KIAA0408: variants seen among roughly 807,000 people sequenced by gnomAD.
KIAA0408 encodes uncharacterized protein KIAA0408.
In KIAA0408, 51 loss-of-function variants were observed where a neutral mutation model predicts 60.9. The ratio of observed to expected loss-of-function variants is 0.84; its 90% CI spans 0.67 to 1.06. The LOEUF (loss-of-function observed/expected upper bound fraction) is 1.06. Ranked by LOEUF, KIAA0408 falls within the 50% of genes least tolerant of loss-of-function variation. The pLI is 0.00. For synonymous variants in KIAA0408, 304 were observed against 282.4 expected (o/e 1.08, Z -0.77); for missense variants, 787 against 833.9 (o/e 0.94, Z 0.69).
At chr6:127,454,865 A>T (rs1262782631) in intron 1 of KIAA0408, among the ~76,000 whole-genome samples, 1 of 152,118 alleles carries the variant, frequency 6.6e-6, no homozygotes, top group Non-Finnish European at 1.5e-5. Flanking sequence ...ATCCTCTATT[A>T]CATTAAGTAG....
chr6:127,459,029 GC>G (rs1336267756), intron 1 of KIAA0408, 145 bp downstream of exon 1: 1 of 152,208 alleles, frequency 6.6e-6, no homozygotes, highest in Non-Finnish European at 1.5e-5. Flanking sequence ...CTGTTTTTAA[GC>G]CCAGACACAG....
chr6:127,453,949 C>T lies in KIAA0408; in HGVS notation c.33G>A (p.Glu11=). The T allele has an allele frequency of 1.9e-6, 3 of 1,612,904 alleles. No individual in the cohort carries two copies. The highest frequency in any genetic ancestry group is 2.5e-6 in the Non-Finnish European group (3 of 1,179,186). Residue 11 remains glutamate, a synonymous_variant, in exon 2 of 6, where the codon GAG becomes GAA. Coordinates refer to ENST00000483725, the MANE Select transcript of KIAA0408 (RefSeq NM_014702.5). ...CCATCTTTTCCTTATGCCAGTTAGT[C>T]TCTGTGTTCTCCCACTGCTTATGTA... MDLHKQWENT[E]TNWHKEKMEL...
chr6:127,452,740 G>T (rs1340946858), intron 2 of KIAA0408, among the ~76,000 whole-genome samples: 1 of 152,102 alleles, frequency 6.6e-6, no homozygotes, highest in Non-Finnish European at 1.5e-5. Flanking sequence ...TTGCGCTGGA[G>T]TTTTGGATTC....
In KIAA0408 at chr6:127,438,748, T is replaced by A. The variant is rs1311776625; in HGVS notation, c.*5361A>T. 5 of 152,248 alleles carry A rather than the reference T, an allele frequency of 3.3e-5. No individual in the cohort carries two copies. The highest frequency in any genetic ancestry group is 1.2e-4 in the African/African-American group (5 of 41,466). 9.4% of individuals were successfully genotyped at this position (152,248 alleles called of 1,614,324 possible). A position where few individuals can be genotyped will look rare whatever the true frequency, so the allele number is the denominator to read the frequency against. ...AAAGTATAGCAAAAATATTGTATTATAATCTTATCATCATATATGTGCATT... is the reference window on the plus strand; with the variant it reads ...AAAGTATAGCAAAAATATTGTATTAAAATCTTATCATCATATATGTGCATT... On this transcript the variant is annotated 3_prime_UTR_variant, in exon 6 of 6. Coordinates refer to ENST00000483725, the MANE Select transcript of KIAA0408 (RefSeq NM_014702.5).
intron 2 of KIAA0408, chr6:127,451,103 T>A (rs1396290101): frequency 5.8e-6 from 2 of 342,672 alleles, no homozygotes; most frequent in Non-Finnish European, 1.1e-5. Context: ...CACTTCTGAA[T>A]AGAGGAAAGA....
Position 127,450,217 on chromosome 6 carries a change from C to T in KIAA0408, c.271G>A (p.Glu91Lys). The stretch of plus-strand genomic sequence containing the variant: ...TCTTTGTGATTCGTCCTTATAAATT[C>T]ACTTTGTCCTAAATCGGGGTAATTT... Reference protein sequence around the residue: ...SPNYPDLGQSEFIRTNHKDGL... With the variant: ...SPNYPDLGQSKFIRTNHKDGL... Residue 91 changes from glutamate to lysine, a missense_variant, in exon 3 of 6, where the codon GAA (glutamate) becomes AAA (lysine). Physicochemically the swap from Glu to Lys is moderately conservative, Grantham distance 56. Around this residue, in one of 3 missense-constraint regions of KIAA0408, gnomAD observed 640 missense variants for 681.3 expected, o/e 0.94. Coordinates refer to ENST00000483725, the MANE Select transcript of KIAA0408 (RefSeq NM_014702.5). The T allele has an allele frequency of 6.2e-7, 1 of 1,613,994 alleles. No homozygotes were observed. The highest frequency in any genetic ancestry group is 8.5e-7 in the Non-Finnish European group (1 of 1,179,950).
rs1184100781 is a variant in KIAA0408, at chr6:127,440,195, G to C, written c.*3914C>G. ...TGATGAATATGCATACAATAAAAAT[G>C]ACGAGAAATCATTTTTGGTACTTGT... is the stretch of plus-strand genomic sequence containing the variant. On this transcript the variant is annotated 3_prime_UTR_variant, in exon 6 of 6. Transcript: ENST00000483725. 1 of 152,048 alleles carries C rather than the reference G, an allele frequency of 6.6e-6. No homozygotes were observed. The highest frequency in any genetic ancestry group is 1.5e-5 in the Non-Finnish European group (1 of 67,998). The allele number at this position is 152,048 out of a possible 1,614,324, so 9.4% of individuals were successfully genotyped here.
chr6:127,446,268 A>C (rs1475023030), intron 5 of KIAA0408, 140 bp downstream of exon 5: 1 of 1,416,434 alleles, frequency 7.1e-7, no homozygotes, highest in Non-Finnish European at 9.4e-7. Flanking sequence ...AGTTATATTT[A>C]TTTACAAACA....
intron 5 of KIAA0408, 136 bp from the exon 6 acceptor site, chr6:127,444,418 A>C (rs1773153869): frequency 1.6e-6 from 1 of 643,970 alleles, no homozygotes; most frequent in African/African-American, 1.9e-5. Flanking sequence ...TAAAGAAGGT[A>C]GTTGTCTAAT....
intron 5 of KIAA0408, 84 bp downstream of exon 5, chr6:127,446,324 T>C (rs1217525495): frequency 1.3e-6 from 2 of 1,520,168 alleles, no homozygotes; most frequent in Non-Finnish European, 1.8e-6. Flanking sequence ...CCTCATTCTA[T>C]TTATATGAAT....
Position 127,451,151 on chromosome 6 carries a change from T to G in KIAA0408, c.136-799A>C, listed in dbSNP as rs539879280. 122 of 372,280 alleles carry G rather than the reference T, an allele frequency of 3.3e-4. 1 individual carries two copies. The highest frequency in any genetic ancestry group is 2.4e-3 in the African/African-American group (114 of 47,220). 23.1% of individuals were successfully genotyped at this position (372,280 alleles called of 1,614,324 possible). A position where few individuals can be genotyped will look rare whatever the true frequency, so the allele number is the denominator to read the frequency against. On this transcript the variant is annotated intron_variant, in intron 2 of 5. Coordinates refer to ENST00000483725, the MANE Select transcript of KIAA0408 (RefSeq NM_014702.5). ...TTTAGGCTTGGGTCATGTAAAAGCT[T>G]GTCAAACTTCAAAAGAGACTGTCAG...
rs1773139590 is a variant in KIAA0408 at position 127,443,598 on chromosome 6, A to G, written c.*511T>C. On this transcript the variant is annotated 3_prime_UTR_variant, in exon 6 of 6. Coordinates refer to ENST00000483725, the MANE Select transcript of KIAA0408 (RefSeq NM_014702.5). ...TAGCTGGGGGCCAAGGAAGTGGTCA[A>G]TTAATATTTGTACTGCAAATGCCTT... is the stretch of plus-strand genomic sequence containing the variant. The G allele has an allele frequency of 6.6e-6, 1 of 152,440 alleles. No individual in the cohort carries two copies. Among genetic ancestry groups the G allele is most frequent in the African/African-American group, 2.4e-5 (1 of 41,468 alleles). The allele number at this position is 152,440 out of a possible 1,614,324, so 9.4% of individuals were successfully genotyped here.
In KIAA0408 at chr6:127,438,497, C is replaced by A. The variant is rs1773055194; in HGVS notation, c.*5612G>T. ...CTTCAAAAATAAACTGGCAGCAGAGCACAATTGCAGTCACATTGCTTAACA... is the reference window on the plus strand; with the variant it reads ...CTTCAAAAATAAACTGGCAGCAGAGAACAATTGCAGTCACATTGCTTAACA... On this transcript the variant is annotated 3_prime_UTR_variant, in exon 6 of 6. Transcript: ENST00000483725. 1 of 152,128 alleles carries A rather than the reference C, an allele frequency of 6.6e-6. No homozygotes were observed. The highest frequency in any genetic ancestry group is 1.5e-5 in the Non-Finnish European group (1 of 68,014). The allele number at this position is 152,128 out of a possible 1,614,324, so 9.4% of individuals were successfully genotyped here.
Position 127,444,137 on chromosome 6 carries a change from G to T in KIAA0408, c.2057C>A (p.Ser686Tyr). Residue 686 changes from serine to tyrosine, a missense_variant, in exon 6 of 6, where the codon TCT becomes TAT. By Grantham distance (144) the Ser-to-Tyr change is moderately radical. Transcript: ENST00000483725. ...LRRTTHNYTI[S>Y]LRSEALMV ...AACCATCAATGCTTCGGATCGCAGA[G>T]AAATGGTATAGTTGTGGGTAGTTCT... The T allele has an allele frequency of 5.0e-6, 8 of 1,614,032 alleles. No homozygotes were observed. Among genetic ancestry groups the T allele is most frequent in the Admixed American group, 1.7e-5 (1 of 60,006 alleles).
Position 127,450,703 on chromosome 6 carries a change from C to T in KIAA0408, c.136-351G>A, listed in dbSNP as rs79960476. 5.1e-3 allele frequency: 925 copies of T among 179,950 alleles called. 8 individuals are homozygous for T. The highest frequency in any genetic ancestry group is 0.02 in the African/African-American group (850 of 41,960). The allele number at this position is 179,950 out of a possible 1,614,324, so 11.1% of individuals were successfully genotyped here. A position where few individuals can be genotyped will look rare whatever the true frequency, so the allele number is the denominator to read the frequency against. On this transcript the variant is annotated intron_variant, in intron 2 of 5. Transcript: ENST00000483725. ...ACTGGCCATATTATATAATTGCTTT[C>T]AGAGAGATGCAAGAATTTAACATTA...
intron 2 of KIAA0408, among the ~76,000 whole-genome samples, chr6:127,452,278 G>C (rs180963773): frequency 2.7e-4 from 41 of 152,186 alleles, no homozygotes; most frequent in African/African-American, 9.4e-4. Context: ...AATCTTTTAT[G>C]CTTGTGGCAT....
chr6:127,439,427 A>G lies in KIAA0408; in HGVS notation c.*4682T>C, dbSNP rs1773069416. ...ATAAAATCAGAGCATAGGCATTAAA[A>G]GTGGAAATATTTTGTTAAAGCCTTG... is the stretch of plus-strand genomic sequence containing the variant. On this transcript the variant is annotated 3_prime_UTR_variant, in exon 6 of 6. Coordinates refer to ENST00000483725, the MANE Select transcript of KIAA0408 (RefSeq NM_014702.5). 1 of 152,224 alleles carries G rather than the reference A, an allele frequency of 6.6e-6. No individual in the cohort carries two copies. The highest frequency in any genetic ancestry group is 1.5e-5 in the Non-Finnish European group (1 of 68,038). 9.4% of individuals were successfully genotyped at this position (152,224 alleles called of 1,614,324 possible).
In KIAA0408 at chr6:127,440,054, A is replaced by AT. The variant is rs1306483993; in HGVS notation, c.*4054dup. On this transcript the variant is annotated 3_prime_UTR_variant, in exon 6 of 6. Transcript: ENST00000483725. ...TTTCTCCATAGCTTCATATAAACAG[A>AT]TTTTTTTCCTAAGAATTTGTTAATT... 3.3e-5 allele frequency: 5 copies of AT among 152,068 alleles called. No homozygotes were observed. Among genetic ancestry groups the AT allele is most frequent in the Non-Finnish European group, 7.4e-5 (5 of 68,020 alleles). The allele number at this position is 152,068 out of a possible 1,614,324, so 9.4% of individuals were successfully genotyped here.
chr6:127,447,668 G>GTTGATCATGGGGTCCCCATGAGGTATAT lies in KIAA0408; in HGVS notation c.623_650dup (p.Asn217LysfsTer12). The GTTGATCATGGGGTCCCCATGAGGTATAT allele has an allele frequency of 6.3e-7, 1 of 1,599,914 alleles. No individual in the cohort carries two copies. Among genetic ancestry groups the GTTGATCATGGGGTCCCCATGAGGTATAT allele is most frequent in the South Asian group, 1.1e-5 (1 of 87,726 alleles). On this transcript the variant is annotated frameshift_variant, in exon 5 of 6. Transcript: ENST00000483725. LOFTEE classifies it high-confidence loss of function. ...TGATTGGAAGAATGCACTGGTCATTGTTGATCATGGGGTCCCCATGAGGTA... is the reference window on the plus strand; with the variant it reads ...TGATTGGAAGAATGCACTGGTCATTGTTGATCATGGGGTCCCCATGAGGTATATTTGATCATGGGGTCCCCATGAGGTA...
Sources: allele counts gnomAD v4.1 joint callset (sites outside exome capture counted in the v4.1 genomes callset), GRCh38; gene constraint gnomAD v4.1.1; regional missense constraint gnomAD v4.1.1; transcripts MANE v1.5; gene names NCBI Gene and HGNC (gene_info 2026-07-23, HGNC 2026-07-21).